The following GPATCH2 variants were observed in gnomAD, a reference collection of about 807,000 sequenced individuals.
The protein encoded by GPATCH2 is G-patch domain containing 2, also known as G patch domain-containing protein 2.
Under a neutral mutation model 58.0 loss-of-function variants are expected in GPATCH2, and 51 were observed. That is an observed-to-expected ratio of 0.88 (90% CI 0.70 to 1.11). The LOEUF (loss-of-function observed/expected upper bound fraction) is 1.11. Among genes scored for constraint, GPATCH2 ranks in the 50% most tolerant of loss-of-function variants. The probability of loss-of-function intolerance (pLI) is 0.00; values close to 1 mark genes in which losing one functional copy is unlikely to be tolerated. For synonymous variants in GPATCH2, 222 were observed against 218.5 expected (o/e 1.02, Z -0.14); for missense variants, 625 against 652.2 (o/e 0.96, Z 0.45).
At chr1:217,600,289 C>G (rs996842464) in intron 5 of GPATCH2, among the ~76,000 whole-genome samples, 1 of 152,116 alleles carries the variant, frequency 6.6e-6, no homozygotes, top group African/African-American at 2.4e-5. Context: ...CTGTTGGCAT[C>G]TCTGGTTTAT....
intron 5 of GPATCH2, among the ~76,000 whole-genome samples, chr1:217,586,979 A>G (rs1558505650): frequency 1.3e-5 from 2 of 152,204 alleles, no homozygotes; most frequent in Admixed American, 6.5e-5. Flanking sequence ...TCTTGATAGT[A>G]GTTACTTCTG....
intron 5 of GPATCH2, among the ~76,000 whole-genome samples, chr1:217,549,503 A>G (rs1030762452): frequency 2.6e-5 from 4 of 152,074 alleles, no homozygotes; most frequent in Non-Finnish European, 4.4e-5. Flanking sequence ...TTGATGTAGT[A>G]TCTTCTTACC....
At chr1:217,520,850 T>TAAAA (rs1167563360) in intron 5 of GPATCH2, among the ~76,000 whole-genome samples, 1 of 152,204 alleles carries the variant, frequency 6.6e-6, no homozygotes, top group Non-Finnish European at 1.5e-5. Flanking sequence ...TGTATTTACT[T>TAAAA]ATTTGAGACA....
chr1:217,599,650 C>G (rs1325113071), intron 5 of GPATCH2, among the ~76,000 whole-genome samples: 3 of 152,128 alleles, frequency 2.0e-5, no homozygotes, highest in African/African-American at 7.2e-5. Flanking sequence ...GTATCCCCAG[C>G]CCCTTGAACA....
At chr1:217,610,720 T>G (rs1208093292) in intron 4 of GPATCH2, among the ~76,000 whole-genome samples, 169 bp downstream of exon 4, 1 of 152,204 alleles carries the variant, frequency 6.6e-6, no homozygotes, top group East Asian at 1.9e-4. Flanking sequence ...ATTTTTCTAA[T>G]AATTTGAAAG....
chr1:217,560,192 T>A (rs993600502), intron 5 of GPATCH2, among the ~76,000 whole-genome samples: 1 of 152,208 alleles, frequency 6.6e-6, no homozygotes, highest in Non-Finnish European at 1.5e-5. Flanking sequence ...GTTACTCGTG[T>A]TTGTTTTGCA....
intron 5 of GPATCH2, among the ~76,000 whole-genome samples, chr1:217,564,931 T>C (rs1362550096): frequency 3.9e-5 from 6 of 152,176 alleles, no homozygotes; most frequent in Non-Finnish European, 5.9e-5. Flanking sequence ...AAATATTACA[T>C]TAAATACTTT....
chr1:217,617,509 A>C (rs1668947731), intron 2 of GPATCH2, among the ~76,000 whole-genome samples: 1 of 152,118 alleles, frequency 6.6e-6, no homozygotes, highest in Admixed American at 6.6e-5. Context: ...ATTGTAGTTA[A>C]TCATCAATGT....
Position 217,608,455 on chromosome 1 carries a change from T to C in GPATCH2, c.1098+1866A>G, listed in dbSNP as rs570418226. 94 of 985,244 alleles carry C rather than the reference T, an allele frequency of 9.5e-5. 1 individual carries two copies. The African/African-American group carries it at 1.3e-3, about 13-fold the overall frequency. The allele number at this position is 985,244 out of a possible 1,614,324, so 61.0% of individuals were successfully genotyped here. A position where few individuals can be genotyped will look rare whatever the true frequency, so the allele number is the denominator to read the frequency against. On this transcript the variant is annotated intron_variant, in intron 5 of 9. Coordinates refer to ENST00000366935, the MANE Select transcript of GPATCH2 (RefSeq NM_018040.5). ...TAGAGAGGGAAAGCAGCTTTTAGTATGGTTAAGCCATGTATCATCAATACC... is the reference window on the plus strand; with the variant it reads ...TAGAGAGGGAAAGCAGCTTTTAGTACGGTTAAGCCATGTATCATCAATACC...
chr1:217,513,825 CT>C lies in GPATCH2; in HGVS notation c.1166+996del, dbSNP rs567793120. On this transcript the variant is annotated intron_variant, in intron 6 of 9. Coordinates refer to ENST00000366935, the MANE Select transcript of GPATCH2 (RefSeq NM_018040.5). Reference sequence around the variant, plus strand: ...TAGAGAAGTAATGAAGAAAACCAGTCTTTTTTTTTTTTTTGAGAGATGGGAG... The same window carrying C: ...TAGAGAAGTAATGAAGAAAACCAGTCTTTTTTTTTTTTTGAGAGATGGGAG... 5.3e-3 allele frequency among the ~76,000 whole-genome samples: 755 copies of C among 141,622 alleles called. 4 individuals carry two copies. Among genetic ancestry groups the C allele is most frequent in the Middle Eastern group, 0.041 (11 of 266 alleles). The allele number at this position is 141,622 out of a possible 152,430, so 92.9% of individuals were successfully genotyped here. A position where few individuals can be genotyped will look rare whatever the true frequency, so the allele number is the denominator to read the frequency against.
intron 5 of GPATCH2, among the ~76,000 whole-genome samples, chr1:217,606,105 A>C (rs900905965): frequency 1.3e-5 from 2 of 152,098 alleles, no homozygotes; most frequent in Middle Eastern, 3.4e-3. Context: ...AGCATAATTA[A>C]TTTAAAAAAT....
At chr1:217,467,901 C>A (rs1320755354) in intron 8 of GPATCH2, among the ~76,000 whole-genome samples, 1 of 152,152 alleles carries the variant, frequency 6.6e-6, no homozygotes, top group African/African-American at 2.4e-5. Flanking sequence ...CAAAGACTGG[C>A]AGCAAAGAAA....
At chr1:217,493,783 G>A (rs1661866386) in intron 7 of GPATCH2, among the ~76,000 whole-genome samples, 1 of 152,056 alleles carries the variant, frequency 6.6e-6, no homozygotes, top group African/African-American at 2.4e-5. Context: ...TTGTGACACA[G>A]ATAGCTAGAA....
At chr1:217,603,364 T>C (rs1424022030) in intron 5 of GPATCH2, among the ~76,000 whole-genome samples, 1 of 152,188 alleles carries the variant, frequency 6.6e-6, no homozygotes, top group Non-Finnish European at 1.5e-5. Context: ...AGACTAAATA[T>C]GGAGAATATA....
At position 217,631,013 on chromosome 1, in the gene GPATCH2, A is replaced by T. The variant is rs1159521863; in HGVS notation, c.-42T>A. 1.3e-6 allele frequency: 2 copies of T among 1,535,316 alleles called. No individual in the cohort carries two copies. The highest frequency in any genetic ancestry group is 8.8e-7 in the Non-Finnish European group (1 of 1,135,396). On this transcript the variant is annotated 5_prime_UTR_variant, in exon 1 of 10. Transcript: ENST00000366935. Reference sequence around the variant, plus strand: ...CCTGGCCTCGAAGCTCAGGCCCGTGAACAGACTCCAACTACAACAGCACCG... The same window carrying T: ...CCTGGCCTCGAAGCTCAGGCCCGTGTACAGACTCCAACTACAACAGCACCG...
chr1:217,565,057 T>C (rs1446106270), intron 5 of GPATCH2, among the ~76,000 whole-genome samples: 1 of 152,180 alleles, frequency 6.6e-6, no homozygotes, highest in East Asian at 1.9e-4. Flanking sequence ...TTGTCATGAA[T>C]AGGCTGATCA....
intron 9 of GPATCH2, among the ~76,000 whole-genome samples, chr1:217,439,919 C>T (rs1212056161): frequency 6.6e-6 from 1 of 152,170 alleles, no homozygotes. Flanking sequence ...GATTCACAGT[C>T]AAATTCTACC....
At chr1:217,463,408 A>G (rs946847672) in intron 8 of GPATCH2, among the ~76,000 whole-genome samples, 2 of 152,130 alleles carry the variant, frequency 1.3e-5, no homozygotes, top group Admixed American at 6.6e-5. Context: ...ATTCAAGGTA[A>G]GAAGTAATTG....
chr1:217,617,454 AAC>A (rs1400650387), intron 2 of GPATCH2, among the ~76,000 whole-genome samples: 1 of 152,286 alleles, frequency 6.6e-6, no homozygotes, highest in African/African-American at 2.4e-5. Flanking sequence ...AGCTGTTGAG[AAC>A]AGAGTCTCCA....
Sources: allele counts gnomAD v4.1 joint callset (sites outside exome capture counted in the v4.1 genomes callset), GRCh38; gene constraint gnomAD v4.1.1; transcripts MANE v1.5; gene names NCBI Gene and HGNC (gene_info 2026-07-23, HGNC 2026-07-21).